The following HOMER1 variants were observed in gnomAD, a reference collection of about 807,000 sequenced individuals.
The protein encoded by HOMER1 is homer protein homolog 1.
HOMER1 carries 3 observed loss-of-function variants against 48.9 expected under a neutral mutation model. That is an observed-to-expected ratio of 0.06 (90% CI 0.03 to 0.16). HOMER1 has a LOEUF of 0.16. HOMER1 is among the 10% of genes least tolerant of loss of function. The pLI is 1.00. For synonymous variants in HOMER1, 134 were observed against 146.4 expected, an observed-to-expected ratio of 0.92 and a Z score of 0.61; for missense variants, 247 against 411.4, an observed-to-expected ratio of 0.60 and a Z score of 3.46.
chr5:79,422,122 G>A (rs1750118443), intron 5 of HOMER1, among the ~76,000 whole-genome samples: 1 of 151,840 alleles, frequency 6.6e-6, no homozygotes, highest in Non-Finnish European at 1.5e-5. Flanking sequence ...AGTTACTCAG[G>A]AGGCTGAGGT....
chr5:79,392,734 C>T (rs1207971780), intron 8 of HOMER1, among the ~76,000 whole-genome samples: 1 of 152,194 alleles, frequency 6.6e-6, no homozygotes, highest in African/African-American at 2.4e-5. Context: ...CACTCACTCA[C>T]TGACCCACCC....
intron 1 of HOMER1, among the ~76,000 whole-genome samples, chr5:79,488,510 T>A (rs537574768): frequency 2.2e-4 from 33 of 152,318 alleles, no homozygotes; most frequent in Admixed American, 6.5e-4. Flanking sequence ...GTAAACCAGT[T>A]CTTAAGAGCC....
chr5:79,465,584 C>CTTTT lies in HOMER1; in HGVS notation c.6-8570_6-8567dup, dbSNP rs10666507. ...AGTAACAGTACTGTTTACATTTCTTCTTTTTTTTTTTTTTTTTTTTTTTTT... is the reference window on the plus strand; with the variant it reads ...AGTAACAGTACTGTTTACATTTCTTCTTTTTTTTTTTTTTTTTTTTTTTTTTTTT... On this transcript the variant is annotated intron_variant, in intron 1 of 8. Coordinates refer to ENST00000334082, the MANE Select transcript of HOMER1 (RefSeq NM_004272.5). Among the ~76,000 whole-genome samples, 117 of 77,908 alleles carry CTTTT rather than the reference C, an allele frequency of 1.5e-3. 10 individuals are homozygous for CTTTT. The highest frequency in any genetic ancestry group is 4.6e-3 in the East Asian group (10 of 2,166). The allele number at this position is 77,908 out of a possible 152,430, so 51.1% of individuals were successfully genotyped here.
At chr5:79,429,293 T>G (rs1188099946) in intron 5 of HOMER1, among the ~76,000 whole-genome samples, 1 of 152,084 alleles carries the variant, frequency 6.6e-6, no homozygotes, top group Non-Finnish European at 1.5e-5. Context: ...GAAAATCGCT[T>G]GAACCCAGGA....
chr5:79,474,841 A>C (rs1240190405), intron 1 of HOMER1, among the ~76,000 whole-genome samples: 1 of 152,234 alleles, frequency 6.6e-6, no homozygotes, highest in Non-Finnish European at 1.5e-5. Flanking sequence ...CAAAAAAGTA[A>C]TAGTGACAGG....
intron 1 of HOMER1, among the ~76,000 whole-genome samples, chr5:79,488,135 C>A (rs1406173512): frequency 6.6e-6 from 1 of 152,234 alleles, no homozygotes; most frequent in Non-Finnish European, 1.5e-5. Flanking sequence ...GCAGGAATGA[C>A]AGGCTAATGA....
At chr5:79,470,496 T>C (rs550099007) in intron 1 of HOMER1, among the ~76,000 whole-genome samples, 37 of 152,324 alleles carry the variant, frequency 2.4e-4, no homozygotes, top group Admixed American at 4.6e-4. Flanking sequence ...ACCCATCTTA[T>C]AGTATGAAAA....
intron 1 of HOMER1, among the ~76,000 whole-genome samples, chr5:79,472,241 T>C (rs1751640030): frequency 6.6e-6 from 1 of 152,208 alleles, no homozygotes; most frequent in Admixed American, 6.5e-5. Context: ...ATGGTGGAAT[T>C]ACAAGTGACT....
intron 8 of HOMER1, among the ~76,000 whole-genome samples, chr5:79,391,207 G>A (rs1312084036): frequency 1.3e-5 from 2 of 149,062 alleles, no homozygotes; most frequent in East Asian, 2.0e-4. Context: ...GCACAATCAC[G>A]GCTCACCGCA....
At chr5:79,394,956 T>C (rs1749344529) in intron 8 of HOMER1, among the ~76,000 whole-genome samples, 1 of 152,206 alleles carries the variant, frequency 6.6e-6, no homozygotes, top group Admixed American at 6.5e-5. Context: ...ACAATGTAAA[T>C]GTGTATATAA....
intron 1 of HOMER1, among the ~76,000 whole-genome samples, chr5:79,464,907 C>CA (rs1228979994): frequency 6.6e-6 from 1 of 152,142 alleles, no homozygotes; most frequent in Non-Finnish European, 1.5e-5. Flanking sequence ...GCAACAACTC[C>CA]ACCTAGTGAT....
chr5:79,444,446 T>C (rs1235366926), intron 4 of HOMER1, among the ~76,000 whole-genome samples: 1 of 152,248 alleles, frequency 6.6e-6, no homozygotes, highest in Non-Finnish European at 1.5e-5. Flanking sequence ...TTTGATAAGA[T>C]AAATTAAGGT....
intron 3 of HOMER1, among the ~76,000 whole-genome samples, chr5:79,447,695 C>T (rs1443290011): frequency 6.6e-6 from 1 of 152,104 alleles, no homozygotes; most frequent in African/African-American, 2.4e-5. Flanking sequence ...AGCTCATGTA[C>T]AGCAGCAGAA....
chr5:79,477,308 CTTG>C (rs1445802645), intron 1 of HOMER1, among the ~76,000 whole-genome samples: 2 of 152,338 alleles, frequency 1.3e-5, no homozygotes, highest in East Asian at 1.9e-4. Flanking sequence ...GGGTAAAACA[CTTG>C]TTATTATTAT....
intron 1 of HOMER1, among the ~76,000 whole-genome samples, chr5:79,475,350 C>T (rs1392815502): frequency 6.6e-6 from 1 of 151,032 alleles, no homozygotes; most frequent in African/African-American, 2.4e-5. Context: ...CTAAACCTGA[C>T]AGTTCGTCGC....
chr5:79,508,588 T>C (rs1752844438), intron 1 of HOMER1, among the ~76,000 whole-genome samples: 1 of 152,204 alleles, frequency 6.6e-6, no homozygotes, highest in South Asian at 2.1e-4. Flanking sequence ...TCCTTTGCAG[T>C]TCCTCGTTTT....
At position 79,464,819 on chromosome 5, in the gene HOMER1, C is replaced by CT. The variant is rs530704831; in HGVS notation, c.6-7802dup. Among the ~76,000 whole-genome samples the CT allele has an allele frequency of 3.9e-4, 59 of 152,222 alleles. No homozygotes were observed. The East Asian group carries it at 5.0e-3, about 13-fold the overall frequency. On this transcript the variant is annotated intron_variant, in intron 1 of 8. Coordinates refer to ENST00000334082, the MANE Select transcript of HOMER1 (RefSeq NM_004272.5). ...GCTGATTGCTTATACATACAATGTT[C>CT]TTTTTTAAAAACCATATACGAACTT...
At chr5:79,387,064 T>TC (rs1749132778) in intron 8 of HOMER1, among the ~76,000 whole-genome samples, 1 of 121,128 alleles carries the variant, frequency 8.3e-6, no homozygotes, top group East Asian at 2.8e-4. Context: ...TCCTCTTTCC[T>TC]TTCTTTCTCT....
chr5:79,507,932 A>G (rs1436671209), intron 1 of HOMER1, among the ~76,000 whole-genome samples: 2 of 152,160 alleles, frequency 1.3e-5, no homozygotes, highest in African/African-American at 4.8e-5. Context: ...CTCCAATGAA[A>G]TGTCCTAATT....
Sources: allele counts gnomAD v4.1 joint callset (sites outside exome capture counted in the v4.1 genomes callset), GRCh38; gene constraint gnomAD v4.1.1; transcripts MANE v1.5; gene names NCBI Gene and HGNC (gene_info 2026-07-23, HGNC 2026-07-21).